The following KEL variants were observed in gnomAD, a reference collection of about 807,000 sequenced individuals.
The protein encoded by KEL is kell blood group glycoprotein.
A neutral mutation model predicts 99.5 loss-of-function variants in KEL; 96 were observed. The ratio of observed to expected loss-of-function variants is 0.97; its 90% confidence interval spans 0.82 to 1.14. The LOEUF (loss-of-function observed/expected upper bound fraction) is 1.14. Ranked by LOEUF, KEL falls within the 50% of genes most tolerant of loss-of-function variation. The pLI is 0.00. For synonymous variants in KEL, 355 were observed against 354.8 expected, an observed-to-expected ratio of 1.00 and a Z score of -0.01; for missense variants, 926 against 924.2, an observed-to-expected ratio of 1.00 and a Z score of -0.03.
chr7:142,961,241 G>A, intron 3 of KEL, 119 bp downstream of exon 3: 1 of 1,528,772 alleles, frequency 6.5e-7, no homozygotes, highest in Non-Finnish European at 9.0e-7. Flanking sequence ...CAGGGAGGAA[G>A]AAGAACCATG....
chr7:142,944,206 G>C, intron 13 of KEL, 117 bp downstream of exon 13: 1 of 862,054 alleles, frequency 1.2e-6, no homozygotes, highest in South Asian at 1.3e-5. Flanking sequence ...CAGCACCAGA[G>C]TAAGGACAGA....
intron 5 of KEL, 144 bp downstream of exon 5, chr7:142,958,160 C>T: frequency 1.5e-6 from 2 of 1,338,178 alleles, no homozygotes; most frequent in Non-Finnish European, 1.1e-6. Context: ...TAGGGCATAA[C>T]CATTTCCATC....
In KEL at chr7:142,942,490, C is replaced by T; in HGVS notation, c.1981G>A (p.Val661Ile). 6.2e-7 allele frequency: 1 copy of T among 1,610,436 alleles called. No individual in the cohort carries two copies. The highest frequency in any genetic ancestry group is 8.5e-7 in the Non-Finnish European group (1 of 1,178,502). Reference sequence around the variant, plus strand: ...GGGCTGAGGTCCAGGCTGGGCAGGACAGTCTCCCCATGGTGCCGTAACAGC... The same window carrying T: ...GGGCTGAGGTCCAGGCTGGGCAGGATAGTCTCCCCATGGTGCCGTAACAGC... ...KRLLRHHGET[V>I]LPSLDLSPQQ... Residue 661 changes from valine (V) to isoleucine (I), a missense_variant, in exon 18 of 19, where the codon GTC becomes ATC. By Grantham distance (29) the Val-to-Ile change is conservative. Transcript: ENST00000355265.
chr7:142,962,169 C>T, intron 1 of KEL, 35 bp downstream of exon 1: 1 of 1,614,084 alleles, frequency 6.2e-7, no homozygotes, highest in Non-Finnish European at 8.5e-7. Flanking sequence ...CCTCACCCCT[C>T]CCCGCTAAGC....
At position 142,941,408 on chromosome 7, in the gene KEL, C is replaced by T. The variant is rs760123466; in HGVS notation, c.2043G>A (p.Met681Ile). ...QIFFRSYAQVMCRKPSPQDSH... is the reference protein window; with the variant it reads ...QIFFRSYAQVICRKPSPQDSH... ...AGTCCTGGGGGCTGGGCTTCCTACA[C>T]ATCACCTGAGCAGGAAGAGAGGTCA... Residue 681 changes from methionine (M) to isoleucine (I), a missense_variant, in exon 19 of 19, where the codon ATG (methionine) becomes ATA (isoleucine). Coordinates refer to ENST00000355265, the MANE Select transcript of KEL (RefSeq NM_000420.3). 11 of 1,596,594 alleles carry T rather than the reference C, an allele frequency of 6.9e-6. No homozygotes were observed. Among genetic ancestry groups the T allele is most frequent in the Admixed American group, 6.8e-5 (4 of 59,232 alleles).
At chr7:142,958,204 G>A (rs2116680923) in intron 5 of KEL, 100 bp downstream of exon 5, 10 of 1,563,194 alleles carry the variant, frequency 6.4e-6, no homozygotes, top group Non-Finnish European at 8.8e-6. Context: ...GGGGCCCTAG[G>A]AAGAAGACCC....
intron 4 of KEL, among the ~76,000 whole-genome samples, chr7:142,960,534 C>A (rs1796930859): frequency 6.6e-6 from 1 of 152,060 alleles, no homozygotes; most frequent in Admixed American, 6.5e-5. Flanking sequence ...AAACACCATG[C>A]ATAGGATAGA....
chr7:142,949,284 C>A (rs1287684280), intron 10 of KEL, among the ~76,000 whole-genome samples: 1 of 152,212 alleles, frequency 6.6e-6, no homozygotes, highest in African/African-American at 2.4e-5. Flanking sequence ...CAGATTGAGT[C>A]CTCGTGAATT....
intron 18 of KEL, chr7:142,942,002 T>C (rs1796372547): frequency 5.5e-6 from 1 of 181,610 alleles, no homozygotes; most frequent in African/African-American, 2.4e-5. Context: ...AGAGACGGGG[T>C]TTCACCATAT....
chr7:142,957,965 G>T lies in KEL; in HGVS notation c.534C>A (p.Gly178=). 2 of 1,614,064 alleles carry T rather than the reference G, an allele frequency of 1.2e-6. No homozygotes were observed. Among genetic ancestry groups the T allele is most frequent in the Non-Finnish European group, 1.7e-6 (2 of 1,179,986 alleles). ...PLRQVIEELG[G]WRISGKWTSL... The stretch of plus-strand genomic sequence containing the variant: ...AAGTCCATTTACCAGAGATGCGCCA[G>T]CCTCCAAGCTTTAAAGGAGAGAGAG... Residue 178 remains glycine, a synonymous_variant, in exon 6 of 19, where the codon GGC becomes GGA. Transcript: ENST00000355265.
intron 16 of KEL, 104 bp from the exon 17 acceptor site, chr7:142,943,148 C>T (rs1379750158): frequency 1.3e-6 from 2 of 1,553,572 alleles, no homozygotes; most frequent in East Asian, 4.5e-5. Context: ...CTCCCAGGAG[C>T]ATGGCAAAGT....
At chr7:142,953,773 T>C (rs2116669185) in intron 9 of KEL, 35 bp downstream of exon 9, 1 of 1,612,668 alleles carries the variant, frequency 6.2e-7, no homozygotes, top group South Asian at 1.1e-5. Flanking sequence ...CTCTCCTCCA[T>C]TTCCATGATC....
Position 142,961,369 on chromosome 7 carries a change from A to G in KEL, c.214T>C (p.Cys72Arg), listed in dbSNP as rs764511510. The G allele has an allele frequency of 1.9e-6, 3 of 1,613,390 alleles. No individual in the cohort carries two copies. Among genetic ancestry groups the G allele is most frequent in the African/African-American group, 1.3e-5 (1 of 75,054 alleles). The change falls in exon 3 of 19, where the codon TGT (cysteine) becomes CGT (arginine). Residue 72 changes from cysteine (C) to arginine (R), a missense_variant. Cys to Arg is a radical substitution (Grantham distance 180). Transcript: ENST00000355265. Reference protein sequence around the residue: ...SVLLFYNFQNCGPRPCETSVC... With the variant: ...SVLLFYNFQNRGPRPCETSVC... ...CTGGGATCTTGCTTACGAGGGCCAC[A>G]GTTCTGGAAGTTGTAGAACAAAAGC...
intron 16 of KEL, 98 bp from the exon 17 acceptor site, chr7:142,943,142 C>G: frequency 1.3e-6 from 2 of 1,560,228 alleles, no homozygotes; most frequent in South Asian, 1.1e-5. Context: ...AATCAGCTCC[C>G]AGGAGCATGG....
At chr7:142,953,424 C>T (rs1796740637) in intron 9 of KEL, 1 of 981,426 alleles carries the variant, frequency 1.0e-6, no homozygotes, top group African/African-American at 1.7e-5. Context: ...CTCCTCCTGC[C>T]CACAGTCCTC....
chr7:142,960,993 T>A lies in KEL; in HGVS notation c.335A>T (p.Lys112Ile). The part of the protein sequence containing the change: ...DFFSFACGRA[K>I]ETNNSFQELA... ...CTCCTGAAAAGAATTATTGGTCTCT[T>A]TGGCCCTTCCACAGGCAAAGCTGAA... Residue 112 changes from lysine to isoleucine, a missense_variant, in exon 4 of 19, where the codon AAA becomes ATA. By Grantham distance (102) the Lys-to-Ile change is moderately radical. Coordinates refer to ENST00000355265, the MANE Select transcript of KEL (RefSeq NM_000420.3). 6.2e-7 allele frequency: 1 copy of A among 1,614,240 alleles called. No homozygotes were observed.
rs1796532486 is a variant in KEL, at chr7:142,946,394, C to T, written c.1204-77G>A. ...TCTGTCTCCCCAGTCTTCACTAGAT[C>T]TTCATTCCCAGAGGGTGCTCTTTTG... On this transcript the variant is annotated intron_variant, in intron 10 of 18. Transcript: ENST00000355265. The T allele has an allele frequency of 7.7e-6, 9 of 1,162,036 alleles. No homozygotes were observed. In the South Asian group the frequency reaches 1.2e-4, roughly 15 times the overall value. 72.0% of individuals were successfully genotyped at this position (1,162,036 alleles called of 1,614,324 possible). A position where few individuals can be genotyped will look rare whatever the true frequency, so the allele number is the denominator to read the frequency against.
Position 142,942,376 on chromosome 7 carries a change from G to A in KEL, c.2037+58C>T, listed in dbSNP as rs1184662186. ...GAAGAGGGGACTTCCATGAGCTTCA[G>A]TAATAAGGCGTTCAACTGACATAAA... On this transcript the variant is annotated intron_variant, in intron 18 of 18. Transcript: ENST00000355265. The A allele has an allele frequency of 2.5e-6, 3 of 1,210,238 alleles. No individual in the cohort carries two copies. In the African/African-American group the frequency reaches 4.5e-5, roughly 18 times the overall value. 75.0% of individuals were successfully genotyped at this position (1,210,238 alleles called of 1,614,324 possible).
In KEL at chr7:142,942,500, A is replaced by T. The variant is rs768309531; in HGVS notation, c.1971T>A (p.His657Gln). The change falls in exon 18 of 19, where the codon CAT (histidine) becomes CAA (glutamine). Residue 657 changes from histidine (H) to glutamine (Q), a missense_variant. Transcript: ENST00000355265. The stretch of plus-strand genomic sequence containing the variant: ...CCAGGCTGGGCAGGACAGTCTCCCC[A>T]TGGTGCCGTAACAGCCTCTTGCTGT... ...QAYSKRLLRHHGETVLPSLDL... is the reference protein window; with the variant it reads ...QAYSKRLLRHQGETVLPSLDL... The T allele has an allele frequency of 1.9e-6, 3 of 1,610,150 alleles. No individual in the cohort carries two copies. Among genetic ancestry groups the T allele is most frequent in the Non-Finnish European group, 1.7e-6 (2 of 1,178,324 alleles).
Sources: allele counts gnomAD v4.1 joint callset (sites outside exome capture counted in the v4.1 genomes callset), GRCh38; gene constraint gnomAD v4.1.1; transcripts MANE v1.5; gene names NCBI Gene and HGNC (gene_info 2026-07-23, HGNC 2026-07-21).